CFAP46: variants seen among roughly 807,000 people sequenced by gnomAD.
The protein encoded by CFAP46 is cilia- and flagella-associated protein 46.
CFAP46 carries 245 observed loss-of-function variants against 325.7 expected under a neutral mutation model. The ratio of observed to expected loss-of-function variants is 0.75; its 90% CI spans 0.68 to 0.84. The LOEUF (loss-of-function observed/expected upper bound fraction) is 0.84, where lower values mean the gene tolerates loss of function less well. Ranked by LOEUF, CFAP46 falls within the 40% of genes least tolerant of loss-of-function variation. The pLI, the probability that CFAP46 is intolerant of heterozygous loss-of-function variation, is 0.00. For synonymous variants in CFAP46, 1,523 were observed against 1,495.9 expected (o/e 1.02, Z -0.42); for missense variants, 3,346 against 3,543.0 (o/e 0.94, Z 1.41).
rs1241511765 is a variant in CFAP46 at position 132,876,934 on chromosome 10, G to C, written c.4240C>G (p.Leu1414Val). ...QSQSPAPIKQ[L>V]EDLPMSIEEW... The stretch of plus-strand genomic sequence containing the variant: ...TCTATGCTCATGGGTAAGTCTTCCA[G>C]TTGTTTGATAGGAGCTGGGCTTTGA... The change falls in exon 31 of 58, where the codon CTG (leucine) becomes GTG (valine). Residue 1414 changes from leucine (L) to valine (V), a missense_variant. Leu to Val is a conservative substitution (Grantham distance 32). Coordinates refer to ENST00000368586, the MANE Select transcript of CFAP46 (RefSeq NM_001200049.3). This position sits in a 1 kb window ranked among gnomAD's most constrained non-coding sequence, Gnocchi z 4.1. The C allele has an allele frequency of 6.4e-7, 1 of 1,550,502 alleles. No individual in the cohort carries two copies. Among genetic ancestry groups the C allele is most frequent in the South Asian group, 1.2e-5 (1 of 84,048 alleles).
intron 50 of CFAP46, among the ~76,000 whole-genome samples, chr10:132,823,457 G>C (rs371692915): frequency 8.6e-6 from 1 of 115,988 alleles, no homozygotes; most frequent in African/African-American, 3.2e-5. Flanking sequence ...GATGTGTGTT[G>C]TGTGTGCTGT....
rs762353277 is a variant in CFAP46 at position 132,929,709 on chromosome 10, C to T, written c.962G>A (p.Ser321Asn). Residue 321 changes from serine to asparagine, a missense_variant, in exon 9 of 58, where the codon AGC (serine) becomes AAC (asparagine). By Grantham distance (46) the Ser-to-Asn change is conservative. Coordinates refer to ENST00000368586, the MANE Select transcript of CFAP46 (RefSeq NM_001200049.3). ...ACLSDLKKME[S>N]KDPGKLIEME... is the part of the protein sequence containing the mutation. ...CAGTGTCATGAAGCCACTTACTTTG[C>T]TTTCCATCTTCTTCAGGTCTGAGAG... 44 of 1,613,806 alleles carry T rather than the reference C, an allele frequency of 2.7e-5. No homozygotes were observed. In the South Asian group the frequency reaches 4.1e-4, roughly 15 times the overall value.
chr10:132,858,201 G>A (rs1429188753), intron 38 of CFAP46, among the ~76,000 whole-genome samples: 1 of 152,246 alleles, frequency 6.6e-6, no homozygotes, highest in Non-Finnish European at 1.5e-5. Context: ...GCCGTGTCGA[G>A]ACGCTTGCGT....
chr10:132,879,885 C>T lies in CFAP46; in HGVS notation c.3800-254G>A, dbSNP rs569201353. Among the ~76,000 whole-genome samples the T allele has an allele frequency of 1.3e-4, 20 of 152,278 alleles. No individual in the cohort carries two copies. The South Asian group carries it at 3.9e-3, about 30-fold the overall frequency. On this transcript the variant is annotated intron_variant, in intron 28 of 57. Transcript: ENST00000368586. The stretch of plus-strand genomic sequence containing the variant: ...GCTCCAGCCCCAGGCCCCCAGACCC[C>T]GAGAGCTCTCCTGCTGCCCTGTGTG...
intron 17 of CFAP46, among the ~76,000 whole-genome samples, chr10:132,915,544 C>T (rs566841049): frequency 7.3e-5 from 11 of 151,256 alleles, no homozygotes; most frequent in Middle Eastern, 3.2e-3. Context: ...AAGGGACCGG[C>T]GAGGGCGGGG....
rs558990499 is a variant in CFAP46, at chr10:132,872,693, C to T, written c.4494G>A (p.Ser1498=). Reference sequence around the variant, plus strand: ...GTACCCACCGAAGGTGGTAGAGATCCGACAGGCCCTTGCTTCCCACCACGG... The same window carrying T: ...GTACCCACCGAAGGTGGTAGAGATCTGACAGGCCCTTGCTTCCCACCACGG... ...SDSVVGSKGL[S]DLYHLRLAHA... The change falls in exon 32 of 58, where the codon TCG becomes TCA. Residue 1498 remains serine, a synonymous_variant. Coordinates refer to ENST00000368586, the MANE Select transcript of CFAP46 (RefSeq NM_001200049.3). 1.1e-5 allele frequency: 17 copies of T among 1,550,598 alleles called. No individual in the cohort carries two copies. Among genetic ancestry groups the T allele is most frequent in the Admixed American group, 5.9e-5 (3 of 51,006 alleles).
chr10:132,822,541 A>T (rs1287627820), intron 50 of CFAP46, among the ~76,000 whole-genome samples: 1 of 82,536 alleles, frequency 1.2e-5, no homozygotes, highest in Non-Finnish European at 2.3e-5. Context: ...CTGTGTGCTG[A>T]CGTGTGCTGT....
At chr10:132,874,741 T>C (rs1294219624) in intron 31 of CFAP46, among the ~76,000 whole-genome samples, 2 of 149,818 alleles carry the variant, frequency 1.3e-5, no homozygotes, top group African/African-American at 4.9e-5. Flanking sequence ...ATGACTAAAA[T>C]TATTAACGAA....
chr10:132,869,533 A>G lies in CFAP46; in HGVS notation c.4512-161T>C, dbSNP rs557385314. Among the ~76,000 whole-genome samples the G allele has an allele frequency of 6.6e-6, 1 of 152,322 alleles. No homozygotes were observed. The highest frequency in any genetic ancestry group is 1.9e-4 in the East Asian group (1 of 5,188). On this transcript the variant is annotated intron_variant, in intron 32 of 57. Coordinates refer to ENST00000368586, the MANE Select transcript of CFAP46 (RefSeq NM_001200049.3). The surrounding 1 kb of genome is among the most constrained non-coding windows in gnomAD (Gnocchi z 6.2). Reference sequence around the variant, plus strand: ...TAAAGGTAAGCGAAATTACTAGGGAAAAGTGCCCGGTAGCTCCATCAAATT... The same window carrying G: ...TAAAGGTAAGCGAAATTACTAGGGAGAAGTGCCCGGTAGCTCCATCAAATT...
In CFAP46 at chr10:132,941,828, G is replaced by A. The variant is rs1010218596; in HGVS notation, c.175-106C>T. On this transcript the variant is annotated intron_variant, in intron 2 of 57. Coordinates refer to ENST00000368586, the MANE Select transcript of CFAP46 (RefSeq NM_001200049.3). ...AGAACAGGCCCCCAGCACAGGTGGA[G>A]CCTGTTTCCAGCCCCATCCTCCATC... 1.3e-5 allele frequency: 20 copies of A among 1,552,982 alleles called. No individual in the cohort carries two copies. In the East Asian group the frequency reaches 2.5e-4, roughly 20 times the overall value.
intron 7 of CFAP46, 129 bp downstream of exon 7, chr10:132,936,831 GC>G: frequency 2.2e-6 from 1 of 460,172 alleles, no homozygotes; most frequent in Non-Finnish European, 3.7e-6. Flanking sequence ...CTATTCTCCA[GC>G]CCCACTCACT....
rs140384064 is a variant in CFAP46 at position 132,834,617 on chromosome 10, C to T, written c.6866+37G>A. On this transcript the variant is annotated intron_variant, in intron 48 of 57. Coordinates refer to ENST00000368586, the MANE Select transcript of CFAP46 (RefSeq NM_001200049.3). ...CTGGACACACGTGTCCATGCGTGAG[C>T]GTGGTGGGGTGCCAGCCTCAACGTC... 1.2e-3 allele frequency: 1,954 copies of T among 1,607,528 alleles called. 34 individuals are homozygous for T. In the African/African-American group the frequency reaches 0.022, roughly 18 times the overall value.
intron 22 of CFAP46, 42 bp downstream of exon 22, chr10:132,908,426 G>GC (rs1849490604): frequency 6.5e-7 from 1 of 1,547,542 alleles, no homozygotes; most frequent in Admixed American, 2.0e-5. Context: ...TGCGCTCCCT[G>GC]CCCGTTTTGA....
intron 19 of CFAP46, among the ~76,000 whole-genome samples, chr10:132,910,434 G>A (rs1426434659): frequency 2.0e-5 from 3 of 152,268 alleles, no homozygotes; most frequent in Non-Finnish European, 2.9e-5. Context: ...AAGTGGGGGC[G>A]TGAAATCTGC....
chr10:132,825,554 G>A (rs987357022), intron 50 of CFAP46, among the ~76,000 whole-genome samples: 25 of 152,220 alleles, frequency 1.6e-4, no homozygotes, highest in Middle Eastern at 3.4e-3. Context: ...CTTACATGCC[G>A]GTCACACCTC....
At chr10:132,821,184 GTGTGTGCTGTGTGAGTGCTGA>G (rs1847808157) in intron 50 of CFAP46, among the ~76,000 whole-genome samples, 1 of 128,414 alleles carries the variant, frequency 7.8e-6, no homozygotes, top group Non-Finnish European at 1.6e-5. Context: ...GATGTGTGCT[GTGTGTGCTGTGTGAGTGCTGA>G]TGTGTGCTGT....
intron 50 of CFAP46, among the ~76,000 whole-genome samples, chr10:132,824,717 GTA>G (rs775434077): frequency 1.9e-5 from 1 of 53,174 alleles, no homozygotes; most frequent in South Asian, 6.0e-4. Flanking sequence ...TGCTGTGTGT[GTA>G]CTGATGTGTG....
rs866209831 is a variant in CFAP46 at position 132,859,233 on chromosome 10, C to T, written c.5213G>A (p.Arg1738Gln). 26 of 1,548,708 alleles carry T rather than the reference C, an allele frequency of 1.7e-5. No individual in the cohort carries two copies. In the Middle Eastern group the frequency reaches 6.7e-4, roughly 40 times the overall value. ...CGCTGAGTGCTGCGCAACTCTGACC[C>T]GCAGGCTCAGGCACCTGACGGAGGG... ...TDLEARCLSLRVRVAQHSAVT... is the reference protein window; with the variant it reads ...TDLEARCLSLQVRVAQHSAVT... The change falls in exon 38 of 58, where the codon CGG becomes CAG. Residue 1738 changes from arginine to glutamine, a missense_variant. Transcript: ENST00000368586.
intron 44 of CFAP46, among the ~76,000 whole-genome samples, chr10:132,837,504 GACGCAC>G (rs1328991252): frequency 3.0e-5 from 1 of 33,338 alleles, no homozygotes. Context: ...GATGCACACA[GACGCAC>G]ACAGACATGC....
Sources: gnomAD v4.1 joint callset for allele counts (sites outside exome capture counted in the v4.1 genomes callset) on GRCh38, gnomAD v4.1.1 for gene constraint, Gnocchi (gnomAD v3.1) non-coding constraint, MANE v1.5 for transcripts, NCBI Gene and HGNC (gene_info 2026-07-23, HGNC 2026-07-21) for gene names.